Variants in MFSD2B observed in about 807,000 individuals in gnomAD.
MFSD2B encodes the protein MFSD2 lysolipid transporter B, sphingolipid.
A neutral mutation model predicts 58.4 loss-of-function variants in MFSD2B; 56 were observed. The observed-to-expected ratio is 0.96, with a 90% confidence interval of 0.77 to 1.20. The LOEUF (loss-of-function observed/expected upper bound fraction) is 1.20, where lower values mean the gene tolerates loss of function less well. Among genes scored for constraint, MFSD2B ranks in the 50% most tolerant of loss-of-function variants. MFSD2B has a pLI of 0.00. For missense variants in MFSD2B, 645 were observed against 667.6 expected, an observed-to-expected ratio of 0.97 and a Z score of 0.37; for synonymous variants, 287 against 294.4, an observed-to-expected ratio of 0.97 and a Z score of 0.26.
At chr2:24,018,849 C>CCT (rs1662636687) in intron 6 of MFSD2B, 1 of 116,590 alleles carries the variant, frequency 8.6e-6, no homozygotes, top group African/African-American at 3.3e-5. Flanking sequence ...GCCTTTTGTG[C>CCT]TTTTTTTTTT....
chr2:24,018,749 G>C (rs1327896858), intron 6 of MFSD2B: 2 of 170,122 alleles, frequency 1.2e-5, no homozygotes, highest in Non-Finnish European at 2.5e-5. Context: ...TTGAGCATGG[G>C]TGGCCCTCGC....
At position 24,017,497 on chromosome 2, in the gene MFSD2B, C is replaced by A; in HGVS notation, c.590C>A (p.Thr197Asn). Residue 197 changes from threonine to asparagine, a missense_variant, in exon 6 of 14, where the codon ACT becomes AAT. Coordinates refer to ENST00000338315, the MANE Select transcript of MFSD2B (RefSeq NM_001346880.2). This position sits in a 1 kb window ranked among gnomAD's most constrained non-coding sequence, Gnocchi z 4.8. ...VEMAGTLMGA[T>N]VHGLIVSGAH... ...ATGGCGGGAACACTGATGGGGGCCA[C>A]TGTCCACGGGCTCATCGTGTCCGGC... 1 of 1,597,480 alleles carries A rather than the reference C, an allele frequency of 6.3e-7. No homozygotes were observed. Among genetic ancestry groups the A allele is most frequent in the Non-Finnish European group, 8.5e-7 (1 of 1,172,146 alleles).
At chr2:24,016,014 G>T in intron 2 of MFSD2B, 142 bp from the exon 3 acceptor site, 1 of 1,009,870 alleles carries the variant, frequency 9.9e-7, no homozygotes, top group East Asian at 2.5e-5. Flanking sequence ...AGCATCCTGG[G>T]GAAGGCTGAG....
At chr2:24,015,941 T>TA (rs748871661) in intron 2 of MFSD2B, among the ~76,000 whole-genome samples, 30 of 152,084 alleles carry the variant, frequency 2.0e-4, no homozygotes, top group Admixed American at 9.2e-4. Context: ...CTGACATGAG[T>TA]ACTAATGGGA....
Position 24,022,978 on chromosome 2 carries a change from T to A in MFSD2B, c.1059+76T>A. The A allele has an allele frequency of 6.9e-7, 1 of 1,445,648 alleles. No homozygotes were observed. The allele number at this position is 1,445,648 out of a possible 1,614,324, so 89.6% of individuals were successfully genotyped here. A position where few individuals can be genotyped will look rare whatever the true frequency, so the allele number is the denominator to read the frequency against. ...GCGAGGTGACCTTGGTGCCTGAGCC[T>A]CCTGGGGCCAGCAGGGGTGGATCTG... On this transcript the variant is annotated intron_variant, in intron 10 of 13. Transcript: ENST00000338315. The surrounding 1 kb of genome is among the most constrained non-coding windows in gnomAD (Gnocchi z 4.5).
intron 2 of MFSD2B, among the ~76,000 whole-genome samples, chr2:24,015,458 A>G (rs1245107455): frequency 6.6e-6 from 1 of 152,164 alleles, no homozygotes; most frequent in African/African-American, 2.4e-5. Context: ...TCTCAATTAA[A>G]AAATAAAATA....
chr2:24,023,756 G>A lies in MFSD2B; in HGVS notation c.1313+30G>A. The stretch of plus-strand genomic sequence containing the variant: ...GTCCCAGGGTTAGGATACAGCAGAG[G>A]CACCAAGGACCAGTGGGCAGGAAGA... On this transcript the variant is annotated intron_variant, in intron 12 of 13. Coordinates refer to ENST00000338315, the MANE Select transcript of MFSD2B (RefSeq NM_001346880.2). The surrounding 1 kb of genome is among the most constrained non-coding windows in gnomAD (Gnocchi z 5.0). The A allele has an allele frequency of 6.2e-7, 1 of 1,609,460 alleles. No homozygotes were observed. Among genetic ancestry groups the A allele is most frequent in the Non-Finnish European group, 8.5e-7 (1 of 1,176,960 alleles).
chr2:24,024,403 G>T lies in MFSD2B; in HGVS notation c.1490+132G>T. 1 of 943,536 alleles carries T rather than the reference G, an allele frequency of 1.1e-6. No individual in the cohort carries two copies. 58.4% of individuals were successfully genotyped at this position (943,536 alleles called of 1,614,324 possible). A position where few individuals can be genotyped will look rare whatever the true frequency, so the allele number is the denominator to read the frequency against. The stretch of plus-strand genomic sequence containing the variant: ...CTGGGACCTCTTTCCTTAGCTCAGG[G>T]TCACCCTTTTCTCCTGGATTTTCTT... On this transcript the variant is annotated intron_variant, in intron 13 of 13. Transcript: ENST00000338315. The surrounding 1 kb of genome is among the most constrained non-coding windows in gnomAD (Gnocchi z 4.3).
At position 24,024,152 on chromosome 2, in the gene MFSD2B, C is replaced by T. The variant is rs1333433009; in HGVS notation, c.1371C>T (p.Leu457=). 2 of 1,613,932 alleles carry T rather than the reference C, an allele frequency of 1.2e-6. No individual in the cohort carries two copies. Among genetic ancestry groups the T allele is most frequent in the Non-Finnish European group, 1.7e-6 (2 of 1,179,850 alleles). ...CKQAEEVVVT[L]KVLIGAVPTC... Reference sequence around the variant, plus strand: ...AAGCAGAGGAGGTGGTGGTCACCCTCAAAGTCCTCATTGGCGCCGTGCCCA... The same window carrying T: ...AAGCAGAGGAGGTGGTGGTCACCCTTAAAGTCCTCATTGGCGCCGTGCCCA... Residue 457 remains leucine, a synonymous_variant, in exon 13 of 14, where the codon CTC becomes CTT. Coordinates refer to ENST00000338315, the MANE Select transcript of MFSD2B (RefSeq NM_001346880.2). This position sits in a 1 kb window ranked among gnomAD's most constrained non-coding sequence, Gnocchi z 4.3.
rs993490754 is a variant in MFSD2B, at chr2:24,020,586, G to T, written c.682-1062G>T. On this transcript the variant is annotated intron_variant, in intron 6 of 13. Transcript: ENST00000338315. The surrounding 1 kb of genome is among the most constrained non-coding windows in gnomAD (Gnocchi z 4.1). ...TGCTTCCTATATATACAGAGGCAGG[G>T]TCTTACTCTGCCACCCAGGCTGGAG... Among the ~76,000 whole-genome samples the T allele has an allele frequency of 1.3e-5, 2 of 152,158 alleles. No individual in the cohort carries two copies. Among genetic ancestry groups the T allele is most frequent in the Non-Finnish European group, 2.9e-5 (2 of 68,028 alleles).
At chr2:24,015,206 C>T (rs370416564) in intron 2 of MFSD2B, among the ~76,000 whole-genome samples, 6 of 151,004 alleles carry the variant, frequency 4.0e-5, no homozygotes, top group African/African-American at 9.8e-5. Context: ...GAGGTCAAGG[C>T]GGGAGGACCG....
chr2:24,024,011 G>A lies in MFSD2B; in HGVS notation c.1314-84G>A. On this transcript the variant is annotated intron_variant, in intron 12 of 13. Coordinates refer to ENST00000338315, the MANE Select transcript of MFSD2B (RefSeq NM_001346880.2). The surrounding 1 kb of genome is among the most constrained non-coding windows in gnomAD (Gnocchi z 4.3). ...GAAGTCCACGTTTCAGGAGGGGGTG[G>A]GGTGGGGTGAGGTGTCGAGTCCCTC... 7.4e-7 allele frequency: 1 copy of A among 1,355,664 alleles called. No individual in the cohort carries two copies. Among genetic ancestry groups the A allele is most frequent in the Non-Finnish European group, 1.0e-6 (1 of 971,160 alleles). The allele number at this position is 1,355,664 out of a possible 1,614,324, so 84.0% of individuals were successfully genotyped here.
chr2:24,010,868 C>A (rs1318875456), intron 1 of MFSD2B, among the ~76,000 whole-genome samples: 1 of 152,118 alleles, frequency 6.6e-6, no homozygotes, highest in Admixed American at 6.5e-5. Flanking sequence ...CAGCCCCCAG[C>A]CTGTTCAGGG....
rs1269102631 is a variant in MFSD2B at position 24,016,054 on chromosome 2, G to A, written c.223-102G>A. The A allele has an allele frequency of 9.0e-6, 13 of 1,438,096 alleles. 1 individual carries two copies. Among genetic ancestry groups the A allele is most frequent in the South Asian group, 8.1e-5 (7 of 86,602 alleles). 89.1% of individuals were successfully genotyped at this position (1,438,096 alleles called of 1,614,324 possible). A position where few individuals can be genotyped will look rare whatever the true frequency, so the allele number is the denominator to read the frequency against. ...CCTTGACACTGTGGCTCTGCCCTCC[G>A]GTCCCGGTTCCCAGGCCTCCCTCTT... On this transcript the variant is annotated intron_variant, in intron 2 of 13. Coordinates refer to ENST00000338315, the MANE Select transcript of MFSD2B (RefSeq NM_001346880.2).
In MFSD2B at chr2:24,024,375, C is replaced by T; in HGVS notation, c.1490+104C>T. On this transcript the variant is annotated intron_variant, in intron 13 of 13. Coordinates refer to ENST00000338315, the MANE Select transcript of MFSD2B (RefSeq NM_001346880.2). This position sits in a 1 kb window ranked among gnomAD's most constrained non-coding sequence, Gnocchi z 4.3. ...ATCCCTGCTGTGTCACACAGTCCTG[C>T]CTCTGGGACCTCTTTCCTTAGCTCA... 8.6e-7 allele frequency: 1 copy of T among 1,168,180 alleles called. No individual in the cohort carries two copies. 72.4% of individuals were successfully genotyped at this position (1,168,180 alleles called of 1,614,324 possible). A position where few individuals can be genotyped will look rare whatever the true frequency, so the allele number is the denominator to read the frequency against.
chr2:24,011,770 A>G (rs1708961074), intron 1 of MFSD2B, among the ~76,000 whole-genome samples: 1 of 152,232 alleles, frequency 6.6e-6, no homozygotes, highest in Non-Finnish European at 1.5e-5. Context: ...ATGCTCTCAG[A>G]GAGCTTACAT....
At chr2:24,010,213 C>A in intron 1 of MFSD2B, 21 bp downstream of exon 1, 2 of 1,363,518 alleles carry the variant, frequency 1.5e-6, no homozygotes, top group South Asian at 3.4e-5. Flanking sequence ...CGGCGGGGAC[C>A]GGGAAGGGGC....
At chr2:24,010,705 G>C (rs1005108308) in intron 1 of MFSD2B, among the ~76,000 whole-genome samples, 1 of 152,300 alleles carries the variant, frequency 6.6e-6, no homozygotes, top group South Asian at 2.1e-4. Flanking sequence ...CGGGGTCTTC[G>C]GGGCCCCTTG....
chr2:24,023,841 C>T lies in MFSD2B; in HGVS notation c.1313+115C>T. 7.7e-7 allele frequency: 1 copy of T among 1,300,372 alleles called. No homozygotes were observed. Among genetic ancestry groups the T allele is most frequent in the East Asian group, 2.3e-5 (1 of 43,116 alleles). 80.6% of individuals were successfully genotyped at this position (1,300,372 alleles called of 1,614,324 possible). ...CCATGAGCCTGGGGCCTAAGCGCTA[C>T]TCTTTGGAGAGTGTGGGGAACCACT... On this transcript the variant is annotated intron_variant, in intron 12 of 13. Coordinates refer to ENST00000338315, the MANE Select transcript of MFSD2B (RefSeq NM_001346880.2). The surrounding 1 kb of genome is among the most constrained non-coding windows in gnomAD (Gnocchi z 5.0).
Sources: allele counts gnomAD v4.1 joint callset (sites outside exome capture counted in the v4.1 genomes callset), GRCh38; gene constraint gnomAD v4.1.1; non-coding constraint Gnocchi (gnomAD v3.1); transcripts MANE v1.5; gene names NCBI Gene and HGNC (gene_info 2026-07-23, HGNC 2026-07-21).